The following DLGAP2 variants were observed in gnomAD, a reference collection of about 807,000 sequenced individuals.
DLGAP2 encodes the protein disks large-associated protein 2.
DLGAP2 carries 26 observed loss-of-function variants against 100.3 expected under a neutral mutation model. The observed-to-expected ratio is 0.26, with a 90% CI of 0.19 to 0.36. The LOEUF (loss-of-function observed/expected upper bound fraction) is 0.36, where lower values mean the gene tolerates loss of function less well. Among genes scored for constraint, DLGAP2 ranks in the 10% least tolerant of loss-of-function variants. DLGAP2 has a pLI of 1.00. For missense variants in DLGAP2, 1,858 were observed against 1,453.2 expected, an observed-to-expected ratio of 1.28 and a Z score of -4.53; for synonymous variants, 886 against 630.1, an observed-to-expected ratio of 1.41 and a Z score of -6.08.
At chr8:1,195,173 A>T (rs1797724594) in intron 2 of DLGAP2, among the ~76,000 whole-genome samples, 1 of 152,228 alleles carries the variant, frequency 6.6e-6, no homozygotes, top group Non-Finnish European at 1.5e-5. Flanking sequence ...ATCTGAAGAG[A>T]CGAGGGTGTC....
intron 4 of DLGAP2, among the ~76,000 whole-genome samples, chr8:1,515,714 A>G (rs1256017650): frequency 1.3e-5 from 2 of 152,160 alleles, no homozygotes; most frequent in Non-Finnish European, 2.9e-5. Flanking sequence ...ACACACAAAC[A>G]CATGCACAGA....
At chr8:1,696,490 C>G (rs892885380) in intron 13 of DLGAP2, among the ~76,000 whole-genome samples, 2 of 152,222 alleles carry the variant, frequency 1.3e-5, no homozygotes, top group East Asian at 3.9e-4. Flanking sequence ...AGAGAAAGAC[C>G]CTGTCTCAAA....
intron 2 of DLGAP2, among the ~76,000 whole-genome samples, chr8:1,189,035 G>C (rs1025064066): frequency 6.9e-6 from 1 of 144,356 alleles, no homozygotes; most frequent in Non-Finnish European, 1.5e-5. Flanking sequence ...GCCCCATGGC[G>C]GTTCCGCTGT....
At chr8:1,280,490 G>A (rs1035718871) in intron 3 of DLGAP2, among the ~76,000 whole-genome samples, 1 of 152,222 alleles carries the variant, frequency 6.6e-6, no homozygotes, top group East Asian at 1.9e-4. Context: ...TTAATAGGAG[G>A]ATTTAGGAAA....
At chr8:739,390 C>A (rs1165995052) in intron 1 of DLGAP2, 2 of 152,250 alleles carry the variant, frequency 1.3e-5, no homozygotes, top group African/African-American at 4.8e-5. Context: ...TGGGAAATAA[C>A]CCGGTACCTC....
chr8:1,173,686 G>T (rs62488987), intron 2 of DLGAP2, among the ~76,000 whole-genome samples: 14,841 of 152,230 alleles, frequency 0.097, 873 homozygotes, highest in East Asian at 0.23. Flanking sequence ...CTCTGAGCCA[G>T]GTGCAGGATA....
chr8:832,726 C>T (rs753193275), intron 1 of DLGAP2, among the ~76,000 whole-genome samples: 3 of 152,202 alleles, frequency 2.0e-5, no homozygotes, highest in African/African-American at 7.2e-5. Context: ...GTGAGCACAA[C>T]TGTGTTTGTG....
chr8:1,163,362 T>G (rs1796929534), intron 2 of DLGAP2, among the ~76,000 whole-genome samples: 1 of 152,180 alleles, frequency 6.6e-6, no homozygotes, highest in South Asian at 2.1e-4. Flanking sequence ...TCCCTTCGCC[T>G]CCGCTCAGCG....
rs368740931 is a variant in DLGAP2, at chr8:1,697,266, C to T, written c.2916C>T (p.Asn972=). 3.2e-5 allele frequency: 52 copies of T among 1,609,462 alleles called. No individual in the cohort carries two copies. The highest frequency in any genetic ancestry group is 2.9e-4 in the East Asian group (13 of 44,684). The change falls in exon 14 of 15, where the codon AAC becomes AAT. Residue 972 remains asparagine, a synonymous_variant. Transcript: ENST00000637795. ...KFDELQRLRL[N]DWKMMESPER... ...ACGAGCTGCAGCGGCTGCGGCTCAA[C>T]GACTGGAAGATGATGGAGTCCCCGG...
chr8:819,826 C>T (rs1020367884), intron 1 of DLGAP2, among the ~76,000 whole-genome samples: 6 of 152,132 alleles, frequency 3.9e-5, no homozygotes, highest in East Asian at 1.9e-4. Context: ...GTGGCTGACT[C>T]GGCATGGAAA....
chr8:935,614 C>G (rs977381492), intron 2 of DLGAP2, among the ~76,000 whole-genome samples: 1 of 152,168 alleles, frequency 6.6e-6, no homozygotes, highest in African/African-American at 2.4e-5. Flanking sequence ...TTTGCATACT[C>G]CTGCACCGAG....
intron 2 of DLGAP2, among the ~76,000 whole-genome samples, chr8:1,161,897 G>T (rs1278130903): frequency 6.6e-6 from 1 of 152,240 alleles, no homozygotes; most frequent in Non-Finnish European, 1.5e-5. Context: ...AGGAGACGTG[G>T]TTCCCACCCT....
intron 5 of DLGAP2, among the ~76,000 whole-genome samples, chr8:1,561,046 C>A (rs1802140407): frequency 6.6e-6 from 1 of 152,166 alleles, no homozygotes; most frequent in Non-Finnish European, 1.5e-5. Context: ...GTGACTGAAT[C>A]ATGGGGTGGG....
At chr8:767,902 G>T (rs2132601372) in intron 1 of DLGAP2, among the ~76,000 whole-genome samples, 1 of 152,338 alleles carries the variant, frequency 6.6e-6, no homozygotes, top group South Asian at 2.1e-4. Flanking sequence ...ATTTGTGCCA[G>T]TGATGACACA....
At chr8:1,336,403 C>T (rs888379327) in intron 3 of DLGAP2, among the ~76,000 whole-genome samples, 4 of 152,028 alleles carry the variant, frequency 2.6e-5, no homozygotes, top group Non-Finnish European at 5.9e-5. Context: ...GGAAAGGCAC[C>T]GTGCATCCAC....
At chr8:1,222,988 C>T (rs56283612) in intron 2 of DLGAP2, among the ~76,000 whole-genome samples, 2 of 152,080 alleles carry the variant, frequency 1.3e-5, no homozygotes, top group Non-Finnish European at 2.9e-5. Context: ...CATGGCTGAG[C>T]TCCACTGCAG....
At chr8:1,464,221 GCTCCCTTC>G in intron 3 of DLGAP2, among the ~76,000 whole-genome samples, 2 of 150,538 alleles carry the variant, frequency 1.3e-5, no homozygotes, top group East Asian at 3.9e-4. Context: ...TTCCAGGACG[GCTCCCTTC>G]CAGGACGACA....
At chr8:1,424,014 C>G (rs1488098677) in intron 3 of DLGAP2, among the ~76,000 whole-genome samples, 2 of 152,216 alleles carry the variant, frequency 1.3e-5, no homozygotes, top group Non-Finnish European at 2.9e-5. Context: ...CCGGATTATT[C>G]AAAGCTCGTA....
chr8:1,561,183 G>A (rs964092192), intron 5 of DLGAP2, among the ~76,000 whole-genome samples: 2 of 152,066 alleles, frequency 1.3e-5, no homozygotes, highest in Non-Finnish European at 2.9e-5. Context: ...CTCCTCATTC[G>A]CCTTCTGCCA....
Sources: allele counts gnomAD v4.1 joint callset (sites outside exome capture counted in the v4.1 genomes callset), GRCh38; gene constraint gnomAD v4.1.1; transcripts MANE v1.5; gene names NCBI Gene and HGNC (gene_info 2026-07-23, HGNC 2026-07-21).